Variants in GSG1L observed in about 807,000 individuals in gnomAD.
GSG1L encodes the protein germ cell-specific gene 1-like protein.
GSG1L carries 24 observed loss-of-function variants against 42.1 expected under a neutral mutation model. That is an observed-to-expected ratio of 0.57 (90% CI 0.41 to 0.80). The LOEUF (loss-of-function observed/expected upper bound fraction) is 0.80. GSG1L is among the 30% of genes least tolerant of loss of function. GSG1L has a pLI of 0.00. For synonymous variants in GSG1L, 215 were observed against 203.5 expected (o/e 1.06, Z -0.48); for missense variants, 445 against 472.2 (o/e 0.94, Z 0.53).
intron 1 of GSG1L, among the ~76,000 whole-genome samples, chr16:28,017,752 A>G (rs974425846): frequency 6.6e-6 from 1 of 152,250 alleles, no homozygotes; most frequent in African/African-American, 2.4e-5. Context: ...GTCTGCATGT[A>G]TTTAGATGAA....
chr16:27,992,205 G>A lies in GSG1L; in HGVS notation c.350-29002C>T, dbSNP rs184378275. ...TTACCCTAAAGGCTTGCTAGATAAA[G>A]GATATTTTCGGTTGGGCCCAGTGGC... On this transcript the variant is annotated intron_variant, in intron 1 of 6. Transcript: ENST00000447459. Among the ~76,000 whole-genome samples the A allele has an allele frequency of 3.5e-3, 538 of 152,252 alleles. 1 individual carries two copies. The highest frequency in any genetic ancestry group is 0.012 in the African/African-American group (502 of 41,580).
intron 4 of GSG1L, among the ~76,000 whole-genome samples, chr16:27,841,777 G>GCC (rs2083384126): frequency 6.6e-6 from 1 of 152,200 alleles, no homozygotes; most frequent in Non-Finnish European, 1.5e-5. Flanking sequence ...TGGGAGGCCA[G>GCC]CCCCGAAGGA....
chr16:27,832,302 AG>A (rs2083282040), intron 4 of GSG1L, among the ~76,000 whole-genome samples: 1 of 152,208 alleles, frequency 6.6e-6, no homozygotes, highest in Non-Finnish European at 1.5e-5. Flanking sequence ...CAATATCACA[AG>A]CAGGATATTG....
intron 1 of GSG1L, among the ~76,000 whole-genome samples, chr16:28,035,303 G>A (rs564365380): frequency 6.6e-6 from 1 of 152,192 alleles, no homozygotes; most frequent in East Asian, 1.9e-4. Flanking sequence ...GAGCCACCAC[G>A]CCTATCCTCA....
chr16:27,873,108 G>A (rs894843561), intron 3 of GSG1L, among the ~76,000 whole-genome samples: 5 of 152,162 alleles, frequency 3.3e-5, no homozygotes, highest in South Asian at 2.1e-4. Context: ...TAACAATAGC[G>A]CTGGACAGAG....
chr16:27,904,344 A>T (rs1446265470), intron 2 of GSG1L, among the ~76,000 whole-genome samples: 1 of 152,084 alleles, frequency 6.6e-6, no homozygotes, highest in Non-Finnish European at 1.5e-5. Context: ...CGCTGGGATT[A>T]TGGGTGTCAG....
chr16:27,886,552 G>C (rs1397769566), intron 2 of GSG1L, among the ~76,000 whole-genome samples: 2 of 152,234 alleles, frequency 1.3e-5, no homozygotes, highest in East Asian at 3.8e-4. Context: ...CATAGTAAGA[G>C]CTCAAGTCAT....
At chr16:27,821,139 G>T (rs2083147278) in intron 5 of GSG1L, among the ~76,000 whole-genome samples, 1 of 152,178 alleles carries the variant, frequency 6.6e-6, no homozygotes, top group African/African-American at 2.4e-5. Context: ...AGACTCGATT[G>T]TGCCACCCAG....
chr16:27,838,202 C>T (rs1043439846), intron 4 of GSG1L, among the ~76,000 whole-genome samples: 2 of 152,188 alleles, frequency 1.3e-5, no homozygotes, highest in Non-Finnish European at 2.9e-5. Context: ...GTGCCTGGCA[C>T]ATAATAGGTG....
At chr16:27,817,869 G>A (rs762737419) in intron 5 of GSG1L, among the ~76,000 whole-genome samples, 6 of 152,198 alleles carry the variant, frequency 3.9e-5, no homozygotes, top group South Asian at 4.1e-4. Flanking sequence ...GCACTGTTCT[G>A]TAAGGCCCTT....
At chr16:27,867,373 G>A (rs1020453960) in intron 3 of GSG1L, among the ~76,000 whole-genome samples, 2 of 152,184 alleles carry the variant, frequency 1.3e-5, no homozygotes, top group African/African-American at 4.8e-5. Context: ...GGGATGAGAT[G>A]CCTGAGTAAA....
At chr16:27,911,895 T>C (rs1324704780) in intron 2 of GSG1L, among the ~76,000 whole-genome samples, 1 of 152,170 alleles carries the variant, frequency 6.6e-6, no homozygotes, top group Non-Finnish European at 1.5e-5. Context: ...TTTTGAAAGT[T>C]TGTTTCTCTC....
chr16:27,800,157 T>C (rs994909522), intron 6 of GSG1L, among the ~76,000 whole-genome samples: 1 of 152,300 alleles, frequency 6.6e-6, no homozygotes, highest in East Asian at 1.9e-4. Flanking sequence ...TCCCAGCAAA[T>C]TGGCATTGAT....
intron 4 of GSG1L, 110 bp downstream of exon 4, chr16:27,844,840 A>G: frequency 8.4e-6 from 1 of 119,458 alleles, no homozygotes; most frequent in South Asian, 8.3e-5. Flanking sequence ...AACTCTCCCC[A>G]TTTCTCCTCC....
In GSG1L at chr16:28,063,044, A is replaced by G. The variant is rs2086361418; in HGVS notation, c.349+32T>C. On this transcript the variant is annotated intron_variant, in intron 1 of 6. Coordinates refer to ENST00000447459, the MANE Select transcript of GSG1L (RefSeq NM_001109763.2). This position sits in a 1 kb window ranked among gnomAD's most constrained non-coding sequence, Gnocchi z 5.8. ...GGCCGCGCCGCCCCGGGGGAGCCGG[A>G]GCCGAGCTGGCCGCCGCCCGCGCGC... 7.2e-7 allele frequency: 1 copy of G among 1,382,328 alleles called. No individual in the cohort carries two copies. Among genetic ancestry groups the G allele is most frequent in the East Asian group, 3.4e-5 (1 of 29,488 alleles). 85.6% of individuals were successfully genotyped at this position (1,382,328 alleles called of 1,614,324 possible).
chr16:28,055,962 C>A lies in GSG1L; in HGVS notation c.349+7114G>T, dbSNP rs371710353. On this transcript the variant is annotated intron_variant, in intron 1 of 6. Coordinates refer to ENST00000447459, the MANE Select transcript of GSG1L (RefSeq NM_001109763.2). ...GCTCCCCACAGGATCCCACTAAACACCTCTCCTTGGAAATAAACCAAGAGA... is the reference window on the plus strand; with the variant it reads ...GCTCCCCACAGGATCCCACTAAACAACTCTCCTTGGAAATAAACCAAGAGA... Among the ~76,000 whole-genome samples the A allele has an allele frequency of 3.9e-5, 6 of 152,016 alleles. No homozygotes were observed. In the South Asian group the frequency reaches 1.2e-3, roughly 32 times the overall value.
chr16:27,800,911 T>C (rs889699347), intron 6 of GSG1L, among the ~76,000 whole-genome samples: 11 of 151,884 alleles, frequency 7.2e-5, no homozygotes, highest in African/African-American at 2.7e-4. Flanking sequence ...CATGTGAACA[T>C]AAAAGATCAT....
At chr16:27,791,516 A>C in intron 6 of GSG1L, 49 bp from the exon 7 acceptor site, 1 of 1,304,130 alleles carries the variant, frequency 7.7e-7, no homozygotes. Context: ...TCCTCCACCC[A>C]CATCCTGTCT....
At chr16:27,899,542 C>A (rs928949052) in intron 2 of GSG1L, among the ~76,000 whole-genome samples, 4 of 152,144 alleles carry the variant, frequency 2.6e-5, no homozygotes, top group South Asian at 2.1e-4. Flanking sequence ...CACAGTGAGA[C>A]CCTGCCTCTA....
Sources: allele counts gnomAD v4.1 joint callset (sites outside exome capture counted in the v4.1 genomes callset), GRCh38; gene constraint gnomAD v4.1.1; non-coding constraint Gnocchi (gnomAD v3.1); transcripts MANE v1.5; gene names NCBI Gene and HGNC (gene_info 2026-07-23, HGNC 2026-07-21).